FAM193A: variants seen among roughly 807,000 people sequenced by gnomAD.
FAM193A encodes family with sequence similarity 193 member A.
A neutral mutation model predicts 126.5 loss-of-function variants in FAM193A; 22 were observed. That is an observed-to-expected ratio of 0.17 (90% CI 0.12 to 0.25). The LOEUF (loss-of-function observed/expected upper bound fraction) is 0.25, where lower values mean the gene tolerates loss of function less well. Among genes scored for constraint, FAM193A ranks in the 10% least tolerant of loss-of-function variants. The pLI is 1.00. For missense variants in FAM193A, 1,675 were observed against 1,672.8 expected, an observed-to-expected ratio of 1.00 and a Z score of -0.02; for synonymous variants, 761 against 646.8, an observed-to-expected ratio of 1.18 and a Z score of -2.68.
intron 2 of FAM193A, among the ~76,000 whole-genome samples, chr4:2,596,593 C>T (rs1035469221): frequency 6.6e-6 from 1 of 152,178 alleles, no homozygotes; most frequent in Non-Finnish European, 1.5e-5. Context: ...TGGCTTTGAG[C>T]TTAGTATTTC....
At chr4:2,655,035 C>A in intron 7 of FAM193A, 2 of 672,244 alleles carry the variant, frequency 3.0e-6, no homozygotes, top group South Asian at 1.6e-5. Context: ...CAGCATTTGT[C>A]CCCTTTTTTT....
At chr4:2,668,204 A>C (rs1713351281) in intron 12 of FAM193A, among the ~76,000 whole-genome samples, 1 of 150,908 alleles carries the variant, frequency 6.6e-6, no homozygotes, top group African/African-American at 2.5e-5. Context: ...ACCCAGCCAC[A>C]ATATGCATCT....
In FAM193A at chr4:2,639,761, A is replaced by G. The variant is rs1343637294; in HGVS notation, c.1065A>G (p.Gln355=). The G allele has an allele frequency of 1.2e-6, 2 of 1,612,616 alleles. No homozygotes were observed. The highest frequency in any genetic ancestry group is 2.7e-5 in the African/African-American group (2 of 74,884). ...TLENEHLKKF[Q]VTWELHNKHL... is the part of the protein sequence containing the mutation. ...AAAATGAACACTTGAAAAAGTTCCAAGTGACGTGGGAACTGCATAATAAAC... is the reference window on the plus strand; with the variant it reads ...AAAATGAACACTTGAAAAAGTTCCAGGTGACGTGGGAACTGCATAATAAAC... Residue 355 remains glutamine (Q), a synonymous_variant, in exon 6 of 21, where the codon CAA becomes CAG. Coordinates refer to ENST00000637812, the MANE Select transcript of FAM193A (RefSeq NM_001366318.2).
chr4:2,650,452 G>A lies in FAM193A; in HGVS notation c.1311+3620G>A, dbSNP rs558693256. Reference sequence around the variant, plus strand: ...CGGCTTTCCTGCCCGGCTCACTCTCGTCACCGGGGCTCAAGGGAACGAAGC... The same window carrying A: ...CGGCTTTCCTGCCCGGCTCACTCTCATCACCGGGGCTCAAGGGAACGAAGC... On this transcript the variant is annotated intron_variant, in intron 7 of 20. Coordinates refer to ENST00000637812, the MANE Select transcript of FAM193A (RefSeq NM_001366318.2). 1.4e-4 allele frequency among the ~76,000 whole-genome samples: 21 copies of A among 152,266 alleles called. No homozygotes were observed. In the East Asian group the frequency reaches 3.1e-3, roughly 22 times the overall value.
At chr4:2,674,567 G>A (rs1224968632) in intron 13 of FAM193A, among the ~76,000 whole-genome samples, 1 of 152,128 alleles carries the variant, frequency 6.6e-6, no homozygotes, top group Non-Finnish European at 1.5e-5. Context: ...GGGGCCTTGG[G>A]GAGTTTCTGC....
intron 7 of FAM193A, among the ~76,000 whole-genome samples, chr4:2,651,204 C>T (rs1052895005): frequency 1.3e-5 from 2 of 152,128 alleles, no homozygotes; most frequent in South Asian, 2.1e-4. Context: ...GTGGCACATG[C>T]CTGTAATCTC....
In FAM193A at chr4:2,636,083, C is replaced by T. The variant is rs564104737; in HGVS notation, c.1039-3652C>T. 1.2e-4 allele frequency among the ~76,000 whole-genome samples: 18 copies of T among 149,836 alleles called. No individual in the cohort carries two copies. In the Middle Eastern group the frequency reaches 0.01, roughly 87 times the overall value. ...GTTTTTTTTGAGACAGAGTCTCACT[C>T]TGTCTCAAAAAAAAATCTCGCTCTG... On this transcript the variant is annotated intron_variant, in intron 5 of 20. Transcript: ENST00000637812.
intron 1 of FAM193A, among the ~76,000 whole-genome samples, chr4:2,539,214 G>A (rs957612610): frequency 2.0e-5 from 3 of 152,006 alleles, no homozygotes; most frequent in Non-Finnish European, 4.4e-5. Context: ...TTTTTGTCGC[G>A]TTATTCAAAA....
intron 6 of FAM193A, among the ~76,000 whole-genome samples, chr4:2,641,259 G>T (rs1038804299): frequency 2.0e-5 from 3 of 151,326 alleles, no homozygotes; most frequent in Non-Finnish European, 4.4e-5. Flanking sequence ...GTTGGCCAGG[G>T]TGGTCTTGAA....
chr4:2,548,642 A>G (rs1245443841), intron 1 of FAM193A, among the ~76,000 whole-genome samples: 1 of 151,698 alleles, frequency 6.6e-6, no homozygotes, highest in East Asian at 1.9e-4. Flanking sequence ...TTTTTAGTAG[A>G]GATGGGGTTT....
chr4:2,711,261 C>T (rs944388724), intron 19 of FAM193A, among the ~76,000 whole-genome samples: 4 of 152,056 alleles, frequency 2.6e-5, no homozygotes, highest in South Asian at 2.1e-4. Flanking sequence ...GTGTTCAGCA[C>T]GTGGAACTTT....
rs186429873 is a variant in FAM193A, at chr4:2,726,481, T to G, written c.4455-5294T>G. On this transcript the variant is annotated intron_variant, in intron 20 of 20. Coordinates refer to ENST00000637812, the MANE Select transcript of FAM193A (RefSeq NM_001366318.2). ...GGGAAAAAAAAGGGAAACTGCCTTC[T>G]CTGGCCTTGCTTCACAGCATGGGAT... Among the ~76,000 whole-genome samples, 661 of 152,306 alleles carry G rather than the reference T, an allele frequency of 4.3e-3. 2 individuals carry two copies. The highest frequency in any genetic ancestry group is 6.7e-3 in the Non-Finnish European group (455 of 68,016).
chr4:2,631,284 T>C, intron 5 of FAM193A, 115 bp downstream of exon 5: 1 of 875,272 alleles, frequency 1.1e-6, no homozygotes, highest in Non-Finnish European at 1.7e-6. Context: ...CCACACACTG[T>C]GATAGGCCCC....
chr4:2,558,545 C>G (rs563281026), intron 1 of FAM193A, among the ~76,000 whole-genome samples: 75 of 152,268 alleles, frequency 4.9e-4, no homozygotes, highest in Non-Finnish European at 1.0e-3. Flanking sequence ...CCACACCCAG[C>G]TAATCAAAAT....
intron 13 of FAM193A, among the ~76,000 whole-genome samples, chr4:2,688,630 C>A (rs1384610806): frequency 6.6e-6 from 1 of 152,186 alleles, no homozygotes; most frequent in Non-Finnish European, 1.5e-5. Flanking sequence ...ATTGCTGCAT[C>A]CTGAGCAGGG....
intron 2 of FAM193A, among the ~76,000 whole-genome samples, chr4:2,622,298 C>T (rs1039714923): frequency 1.4e-5 from 2 of 144,246 alleles, no homozygotes; most frequent in Non-Finnish European, 3.0e-5. Flanking sequence ...AATGTCTCAT[C>T]TAATTAATTC....
intron 6 of FAM193A, among the ~76,000 whole-genome samples, chr4:2,645,003 T>C (rs929409975): frequency 1.3e-5 from 2 of 150,604 alleles, no homozygotes; most frequent in Non-Finnish European, 2.9e-5. Flanking sequence ...CATATTTCCA[T>C]TTCAAAATAT....
chr4:2,623,987 G>C (rs1742721305), intron 2 of FAM193A, among the ~76,000 whole-genome samples: 1 of 152,122 alleles, frequency 6.6e-6, no homozygotes, highest in South Asian at 2.1e-4. Context: ...CCTCAGCTCT[G>C]AGACCTGAGC....
intron 13 of FAM193A, among the ~76,000 whole-genome samples, chr4:2,682,684 T>A (rs905627385): frequency 7.9e-5 from 12 of 152,246 alleles, no homozygotes; most frequent in Non-Finnish European, 1.6e-4. Context: ...TTAAAATTTC[T>A]GCAGTTGCCC....
Sources: gnomAD v4.1 joint callset for allele counts (sites outside exome capture counted in the v4.1 genomes callset) on GRCh38, gnomAD v4.1.1 for gene constraint, MANE v1.5 for transcripts, NCBI Gene and HGNC (gene_info 2026-07-23, HGNC 2026-07-21) for gene names.